The following MAGI2 variants were observed in gnomAD, a reference collection of about 807,000 sequenced individuals.
The protein encoded by MAGI2 is membrane-associated guanylate kinase, WW and PDZ domain-containing protein 2.
Under a neutral mutation model 133.3 loss-of-function variants are expected in MAGI2, and 35 were observed. The observed-to-expected ratio is 0.26, with a 90% confidence interval of 0.20 to 0.35. The LOEUF (loss-of-function observed/expected upper bound fraction) is 0.35, where lower values mean the gene tolerates loss of function less well. Among genes scored for constraint, MAGI2 ranks in the 10% least tolerant of loss-of-function variants. The pLI, the probability that MAGI2 is intolerant of heterozygous loss-of-function variation, is 1.00. For synonymous variants in MAGI2, 729 were observed against 710.6 expected, an observed-to-expected ratio of 1.03 and a Z score of -0.41; for missense variants, 1,636 against 1,863.4, an observed-to-expected ratio of 0.88 and a Z score of 2.25.
chr7:78,393,764 A>G (rs1300736207), intron 6 of MAGI2, among the ~76,000 whole-genome samples: 1 of 152,186 alleles, frequency 6.6e-6, no homozygotes, highest in Non-Finnish European at 1.5e-5. Context: ...TTGCAGTAGT[A>G]TGTGCACGAC....
intron 21 of MAGI2, among the ~76,000 whole-genome samples, chr7:78,072,077 C>T (rs1489086480): frequency 6.6e-6 from 1 of 152,004 alleles, no homozygotes; most frequent in Non-Finnish European, 1.5e-5. Flanking sequence ...CTGATGGCCA[C>T]CGGAGGGGAA....
intron 3 of MAGI2, among the ~76,000 whole-genome samples, chr7:78,526,628 G>GT (rs1433729646): frequency 1.3e-5 from 2 of 152,152 alleles, no homozygotes; most frequent in African/African-American, 4.8e-5. Flanking sequence ...TTATTCTTCA[G>GT]TTTTTTAACT....
intron 1 of MAGI2, among the ~76,000 whole-genome samples, chr7:79,184,647 CTCTT>C (rs1446606437): frequency 6.6e-6 from 1 of 151,656 alleles, no homozygotes; most frequent in Admixed American, 6.6e-5. Context: ...GGAAAGCTGA[CTCTT>C]TCTAAGCTAT....
chr7:78,334,704 G>T (rs1003474710), intron 9 of MAGI2, among the ~76,000 whole-genome samples: 1 of 152,152 alleles, frequency 6.6e-6, no homozygotes, highest in Non-Finnish European at 1.5e-5. Context: ...ACAGGCAGTC[G>T]TAGCCCAGGC....
chr7:78,427,117 A>G (rs983828525), intron 6 of MAGI2, among the ~76,000 whole-genome samples: 1 of 152,170 alleles, frequency 6.6e-6, no homozygotes, highest in African/African-American at 2.4e-5. Flanking sequence ...GACAAAAGCC[A>G]TAGCTAAAAA....
chr7:79,257,604 T>C (rs1833783067), intron 1 of MAGI2, among the ~76,000 whole-genome samples: 1 of 152,154 alleles, frequency 6.6e-6, no homozygotes, highest in Admixed American at 6.5e-5. Flanking sequence ...TGAATATGAG[T>C]TCACCACTTT....
At chr7:78,097,256 G>A (rs766906710) in intron 20 of MAGI2, among the ~76,000 whole-genome samples, 2 of 152,118 alleles carry the variant, frequency 1.3e-5, no homozygotes, top group Non-Finnish European at 2.9e-5. Flanking sequence ...GCGGTATGGC[G>A]ATTCCTCAAA....
intron 2 of MAGI2, among the ~76,000 whole-genome samples, chr7:78,636,997 C>G (rs933464336): frequency 4.6e-5 from 7 of 152,126 alleles, no homozygotes; most frequent in Non-Finnish European, 1.0e-4. Context: ...CACTGCGGGT[C>G]CAGAAACCAT....
At chr7:78,800,587 G>C (rs899767733) in intron 2 of MAGI2, among the ~76,000 whole-genome samples, 2 of 152,024 alleles carry the variant, frequency 1.3e-5, no homozygotes, top group African/African-American at 2.4e-5. Context: ...GACAAAAATA[G>C]AACAATTTTT....
chr7:78,813,971 T>G (rs1789328943), intron 2 of MAGI2, among the ~76,000 whole-genome samples: 1 of 152,166 alleles, frequency 6.6e-6, no homozygotes, highest in South Asian at 2.1e-4. Flanking sequence ...AGAATGTTTG[T>G]GCTAACCCCT....
At chr7:78,099,048 C>A (rs559412661) in intron 20 of MAGI2, among the ~76,000 whole-genome samples, 1 of 152,140 alleles carries the variant, frequency 6.6e-6, no homozygotes, top group South Asian at 2.1e-4. Context: ...TCTTTGGTTA[C>A]ATAAAGTGAA....
At chr7:79,185,408 A>T (rs1002029744) in intron 1 of MAGI2, among the ~76,000 whole-genome samples, 6 of 151,998 alleles carry the variant, frequency 3.9e-5, no homozygotes, top group Admixed American at 3.9e-4. Flanking sequence ...TTATCACTCA[A>T]ACTTAACAAT....
At chr7:79,417,332 T>C (rs1281799944) in intron 1 of MAGI2, among the ~76,000 whole-genome samples, 3 of 152,136 alleles carry the variant, frequency 2.0e-5, no homozygotes, top group Admixed American at 2.0e-4. Flanking sequence ...ATTGATAACA[T>C]AATAGAGAGC....
chr7:78,641,307 A>G (rs968355402), intron 2 of MAGI2, among the ~76,000 whole-genome samples: 3 of 152,208 alleles, frequency 2.0e-5, no homozygotes, highest in Non-Finnish European at 2.9e-5. Context: ...GATCCAAACT[A>G]TTCCTTTGGA....
Position 78,670,561 on chromosome 7 carries a change from G to A in MAGI2, c.419-43322C>T, listed in dbSNP as rs544745520. On this transcript the variant is annotated intron_variant, in intron 2 of 21. Coordinates refer to ENST00000354212, the MANE Select transcript of MAGI2 (RefSeq NM_012301.4). ...ACCAATGACTTTCTTCACAGAATTG[G>A]AAAACATTACTTTAAAGTTCATATG... 2.4e-3 allele frequency among the ~76,000 whole-genome samples: 362 copies of A among 152,230 alleles called. 1 individual carries two copies. The highest frequency in any genetic ancestry group is 6.8e-3 in the Middle Eastern group (2 of 294).
At chr7:79,068,262 A>T (rs1228208813) in intron 1 of MAGI2, among the ~76,000 whole-genome samples, 1 of 152,154 alleles carries the variant, frequency 6.6e-6, no homozygotes, top group Non-Finnish European at 1.5e-5. Flanking sequence ...TAGGCTATTA[A>T]ATATTGCCTT....
intron 2 of MAGI2, among the ~76,000 whole-genome samples, chr7:78,705,432 C>A (rs1818545152): frequency 6.6e-6 from 1 of 152,140 alleles, no homozygotes; most frequent in Non-Finnish European, 1.5e-5. Context: ...TACCCAGTCT[C>A]AGGTATTTCT....
intron 1 of MAGI2, among the ~76,000 whole-genome samples, chr7:79,197,011 A>G (rs1181912617): frequency 1.3e-5 from 2 of 151,740 alleles, no homozygotes; most frequent in Non-Finnish European, 2.9e-5. Context: ...GAACTCCTGG[A>G]CTCAAGCAAT....
At chr7:78,835,279 G>T (rs1791515866) in intron 2 of MAGI2, among the ~76,000 whole-genome samples, 4 of 152,104 alleles carry the variant, frequency 2.6e-5, no homozygotes, top group Admixed American at 2.0e-4. Context: ...ATCCTAGTGG[G>T]TGTTAAGTGG....
Sources: gnomAD v4.1 joint callset for allele counts (sites outside exome capture counted in the v4.1 genomes callset) on GRCh38, gnomAD v4.1.1 for gene constraint, MANE v1.5 for transcripts, NCBI Gene and HGNC (gene_info 2026-07-23, HGNC 2026-07-21) for gene names.